KCNC2: variants seen among roughly 807,000 people sequenced by gnomAD.
KCNC2 encodes voltage-gated potassium channel KCNC2.
In KCNC2, 21 loss-of-function variants were observed where a neutral mutation model predicts 44.5. The ratio of observed to expected loss-of-function variants is 0.47; its 90% confidence interval spans 0.33 to 0.68. The LOEUF (loss-of-function observed/expected upper bound fraction) is 0.68. Ranked by LOEUF, KCNC2 falls within the 30% of genes least tolerant of loss-of-function variation. The pLI, the probability that KCNC2 is intolerant of heterozygous loss-of-function variation, is 0.01. For missense variants in KCNC2, 589 were observed against 826.2 expected (o/e 0.71, Z 3.52); for synonymous variants, 391 against 339.1 (o/e 1.15, Z -1.68).
intron 2 of KCNC2, among the ~76,000 whole-genome samples, chr12:75,130,719 G>C (rs1030940310): frequency 6.6e-6 from 1 of 151,532 alleles, no homozygotes; most frequent in Non-Finnish European, 1.5e-5. Context: ...ATTTGACTTG[G>C]GTATATACAC....
intron 2 of KCNC2, among the ~76,000 whole-genome samples, chr12:75,174,819 A>G (rs1892069355): frequency 6.6e-6 from 1 of 151,956 alleles, no homozygotes; most frequent in African/African-American, 2.4e-5. Context: ...ATTTCATTAC[A>G]TGTTCTATTG....
chr12:75,125,907 G>C (rs1161120260), intron 2 of KCNC2, among the ~76,000 whole-genome samples: 1 of 152,130 alleles, frequency 6.6e-6, no homozygotes, highest in African/African-American at 2.4e-5. Context: ...GGGGAATCAA[G>C]TGGTCAAATA....
intron 2 of KCNC2, among the ~76,000 whole-genome samples, chr12:75,188,957 C>T (rs2029935014): frequency 6.6e-6 from 1 of 152,034 alleles, no homozygotes. Flanking sequence ...CAATAAACTA[C>T]ATGGCAAAAT....
intron 2 of KCNC2, among the ~76,000 whole-genome samples, chr12:75,164,938 A>C (rs1593005929): frequency 6.6e-6 from 1 of 151,640 alleles, no homozygotes; most frequent in Admixed American, 6.6e-5. Flanking sequence ...TTAGTACCAA[A>C]GTGTCCACCA....
chr12:75,054,704 A>C (rs1526816), intron 2 of KCNC2, among the ~76,000 whole-genome samples: 1 of 152,080 alleles, frequency 6.6e-6, no homozygotes, highest in Non-Finnish European at 1.5e-5. Context: ...GAAGAGTCAT[A>C]AAAATAAGAA....
In KCNC2 at chr12:75,097,128, C is replaced by A. The variant is rs1287914981; in HGVS notation, c.688-45811G>T. Among the ~76,000 whole-genome samples the A allele has an allele frequency of 2.0e-5, 3 of 151,916 alleles. No homozygotes were observed. The East Asian group carries it at 5.8e-4, about 29-fold the overall frequency. ...ATTAAAGGACCTTAAATGTATATTG[C>A]TAAGTTAAAGAAGGCAATCCAAAAA... On this transcript the variant is annotated intron_variant, in intron 2 of 4. Transcript: ENST00000549446.
At chr12:75,095,469 T>C (rs1885844101) in intron 2 of KCNC2, among the ~76,000 whole-genome samples, 1 of 151,828 alleles carries the variant, frequency 6.6e-6, no homozygotes, top group African/African-American at 2.4e-5. Context: ...ATTCTTACGC[T>C]CCTCCAACCT....
rs752273711 is a variant in KCNC2, at chr12:75,148,386, C to T, written c.687+58911G>A. 8.5e-5 allele frequency among the ~76,000 whole-genome samples: 13 copies of T among 152,060 alleles called. No homozygotes were observed. The East Asian group carries it at 1.7e-3, about 20-fold the overall frequency. ...AAATGAGCTCTCAGGAAATATTTTC[C>T]GCCTTGATTTTCTTTTAATCTAAGC... is the stretch of plus-strand genomic sequence containing the variant. On this transcript the variant is annotated intron_variant, in intron 2 of 4. Coordinates refer to ENST00000549446, the MANE Select transcript of KCNC2 (RefSeq NM_139137.4).
chr12:75,147,238 G>C (rs1160605701), intron 2 of KCNC2, among the ~76,000 whole-genome samples: 2 of 152,052 alleles, frequency 1.3e-5, no homozygotes, highest in Non-Finnish European at 2.9e-5. Context: ...GGTATTTACA[G>C]ACAGAAACAT....
intron 2 of KCNC2, among the ~76,000 whole-genome samples, chr12:75,189,999 G>T (rs2030040082): frequency 6.6e-6 from 1 of 152,122 alleles, no homozygotes; most frequent in Non-Finnish European, 1.5e-5. Context: ...TTGAACATTA[G>T]CCTACCATTA....
intron 2 of KCNC2, among the ~76,000 whole-genome samples, chr12:75,131,473 AG>A (rs1408598108): frequency 1.3e-5 from 2 of 152,154 alleles, no homozygotes; most frequent in African/African-American, 4.8e-5. Context: ...ACATGTCAAA[AG>A]GGATTTTGCA....
chr12:75,194,980 T>C (rs2030635732), intron 2 of KCNC2, among the ~76,000 whole-genome samples: 1 of 152,192 alleles, frequency 6.6e-6, no homozygotes, highest in African/African-American at 2.4e-5. Context: ...CTTCTACTTT[T>C]CTACAGTGAG....
At chr12:75,110,627 A>G (rs774773106) in intron 2 of KCNC2, among the ~76,000 whole-genome samples, 9 of 152,184 alleles carry the variant, frequency 5.9e-5, no homozygotes, top group Admixed American at 1.3e-4. Flanking sequence ...TGTAAAGCAC[A>G]TAAGTAGATC....
intron 2 of KCNC2, among the ~76,000 whole-genome samples, chr12:75,126,302 T>C (rs1888421545): frequency 6.6e-6 from 1 of 152,208 alleles, no homozygotes; most frequent in Non-Finnish European, 1.5e-5. Context: ...GTAAACTATG[T>C]CTTTTAAATA....
At chr12:75,162,631 C>T (rs1321034207) in intron 2 of KCNC2, among the ~76,000 whole-genome samples, 3 of 151,678 alleles carry the variant, frequency 2.0e-5, no homozygotes, top group Non-Finnish European at 4.4e-5. Flanking sequence ...AATCAGATAA[C>T]CAAGCCTGCT....
intron 2 of KCNC2, among the ~76,000 whole-genome samples, chr12:75,127,895 A>T (rs889170361): frequency 3.9e-5 from 6 of 152,282 alleles, no homozygotes; most frequent in African/African-American, 1.4e-4. Context: ...GAAAAATCTT[A>T]TTACCAGACT....
chr12:75,127,750 G>C (rs1888538817), intron 2 of KCNC2, among the ~76,000 whole-genome samples: 1 of 152,116 alleles, frequency 6.6e-6, no homozygotes, highest in South Asian at 2.1e-4. Flanking sequence ...TTTTCTCCAA[G>C]CTAAGAAAGA....
chr12:75,078,191 A>C (rs1884167081), intron 2 of KCNC2, among the ~76,000 whole-genome samples: 1 of 152,204 alleles, frequency 6.6e-6, no homozygotes, highest in Non-Finnish European at 1.5e-5. Flanking sequence ...AAGTGCAAAG[A>C]GAAGGTCCAA....
intron 2 of KCNC2, among the ~76,000 whole-genome samples, chr12:75,100,671 A>G (rs751108945): frequency 3.9e-5 from 6 of 152,038 alleles, no homozygotes; most frequent in Non-Finnish European, 5.9e-5. Context: ...CTATTCATCA[A>G]TGTAACTTAT....
Sources: allele counts gnomAD v4.1 joint callset (sites outside exome capture counted in the v4.1 genomes callset), GRCh38; gene constraint gnomAD v4.1.1; transcripts MANE v1.5; gene names NCBI Gene and HGNC (gene_info 2026-07-23, HGNC 2026-07-21).